The following ADGRE3 variants were observed in gnomAD, a reference collection of about 807,000 sequenced individuals.
The protein encoded by ADGRE3 is adhesion G protein-coupled receptor E3, also known as EGF-like module receptor 3.
ADGRE3 carries 88 observed loss-of-function variants against 80.1 expected under a neutral mutation model. That is an observed-to-expected ratio of 1.10 (90% CI 0.93 to 1.31). The LOEUF is 1.31. Ranked by LOEUF, ADGRE3 falls within the 40% of genes most tolerant of loss-of-function variation. The probability of loss-of-function intolerance (pLI) is 0.00; values close to 1 mark genes in which losing one functional copy is unlikely to be tolerated. For missense variants in ADGRE3, 715 were observed against 776.5 expected (o/e 0.92, Z 0.94); for synonymous variants, 281 against 294.8 (o/e 0.95, Z 0.48).
At chr19:14,653,790 A>T (rs1304167613) in intron 6 of ADGRE3, among the ~76,000 whole-genome samples, 2 of 152,038 alleles carry the variant, frequency 1.3e-5, no homozygotes, top group Non-Finnish European at 2.9e-5. Context: ...AGGTGAGGGC[A>T]CTGGTCTCAG....
intron 10 of ADGRE3, among the ~76,000 whole-genome samples, chr19:14,638,921 T>A (rs6511947): frequency 0.81 from 122,617 of 152,072 alleles, 49,444 homozygotes; most frequent in South Asian, 0.87. Context: ...TATTTCTTTG[T>A]GACAGGATCT....
At chr19:14,617,351 T>TC (rs2075084747), downstream of ADGRE3, among the ~76,000 whole-genome samples, 4 of 92,792 alleles carry the variant, frequency 4.3e-5, no homozygotes, top group African/African-American at 1.6e-4. Flanking sequence ...CCTTTCTTTC[T>TC]TTCTTTCTTT....
chr19:14,662,470 C>T (rs1282738142), intron 3 of ADGRE3, among the ~76,000 whole-genome samples: 3 of 152,182 alleles, frequency 2.0e-5, no homozygotes, highest in Non-Finnish European at 2.9e-5. Flanking sequence ...ACTGCAACTT[C>T]TGCCTCCTGA....
the ADGRE3 span, among the ~76,000 whole-genome samples, chr19:14,612,940 T>C: frequency 2.6e-5 from 4 of 151,982 alleles, no homozygotes; most frequent in African/African-American, 9.7e-5. Context: ...TTTTTTTTTT[T>C]TTTGTGACAG....
rs780742328 is a variant in ADGRE3 at position 14,655,090 on chromosome 19, TTTC to T, written c.466_468del (p.Glu156del). The T allele has an allele frequency of 6.2e-7, 1 of 1,614,148 alleles. No individual in the cohort carries two copies. Among genetic ancestry groups the T allele is most frequent in the African/African-American group, 1.3e-5 (1 of 75,052 alleles). On this transcript the variant is annotated inframe_deletion, in exon 6 of 16. Coordinates refer to ENST00000253673, the MANE Select transcript of ADGRE3 (RefSeq NM_032571.5). Reference sequence around the variant, plus strand: ...AGAATAGTGGTAGCTGTGGATGAGATTTCTTGTCTCCCTTCTGTTCTCCATAAA... The same window carrying T: ...AGAATAGTGGTAGCTGTGGATGAGATTTGTCTCCCTTCTGTTCTCCATAAA...
the ADGRE3 span, among the ~76,000 whole-genome samples, chr19:14,607,404 C>T: frequency 1.7e-3 from 261 of 151,690 alleles, no homozygotes; most frequent in Middle Eastern, 6.8e-3. Flanking sequence ...GGGGTTTCAC[C>T]GTGTTAGCCA....
chr19:14,662,691 A>G (rs544419573), intron 3 of ADGRE3, among the ~76,000 whole-genome samples: 4 of 152,128 alleles, frequency 2.6e-5, no homozygotes, highest in Admixed American at 2.0e-4. Context: ...TGGCTGAAAC[A>G]AGAAACTATC....
Position 14,634,166 on chromosome 19 carries a change from T to G in ADGRE3, c.1485-864A>C, listed in dbSNP as rs577159505. 1.1e-3 allele frequency among the ~76,000 whole-genome samples: 164 copies of G among 152,328 alleles called. 1 individual carries two copies. Among genetic ancestry groups the G allele is most frequent in the African/African-American group, 3.7e-3 (152 of 41,584 alleles). On this transcript the variant is annotated intron_variant, in intron 11 of 15. Coordinates refer to ENST00000253673, the MANE Select transcript of ADGRE3 (RefSeq NM_032571.5). ...TTCACTTTATATATTTCAATATATATATGAAATTTTATGAAAATTTTATGA... is the reference window on the plus strand; with the variant it reads ...TTCACTTTATATATTTCAATATATAGATGAAATTTTATGAAAATTTTATGA...
chr19:14,625,571 C>T lies in ADGRE3; in HGVS notation c.1841G>A (p.Arg614Lys). ...CTCAGATTTTGATTTTACGATCTCT[C>T]TAAACCACTTTTGATATTGTTTCTG... is the stretch of plus-strand genomic sequence containing the variant. Reference protein sequence around the residue: ...QVQKQYQKWFREIVKSKSESE... With the variant: ...QVQKQYQKWFKEIVKSKSESE... Residue 614 changes from arginine to lysine, a missense_variant, in exon 15 of 16, where the codon AGA (arginine) becomes AAA (lysine). Transcript: ENST00000253673. 2 of 1,613,584 alleles carry T rather than the reference C, an allele frequency of 1.2e-6. No homozygotes were observed. The highest frequency in any genetic ancestry group is 1.7e-6 in the Non-Finnish European group (2 of 1,179,600).
rs1333177312 is a variant in ADGRE3, at chr19:14,644,225, C to T, written c.933G>A (p.Gly311=). 1 of 1,603,036 alleles carries T rather than the reference C, an allele frequency of 6.2e-7. No homozygotes were observed. Among genetic ancestry groups the T allele is most frequent in the South Asian group, 1.1e-5 (1 of 89,456 alleles). ...KVFCVYWKST[G]QGSQWSRDGC... ...CATCCCTGGACCACTGGCTGCCCTG[C>T]CCTGTGCTCTTCCAGTAGACACAGA... is the stretch of plus-strand genomic sequence containing the variant. The change falls in exon 9 of 16, where the codon GGG becomes GGA. Residue 311 remains glycine (G), a synonymous_variant. Transcript: ENST00000253673.
intron 6 of ADGRE3, among the ~76,000 whole-genome samples, chr19:14,651,965 C>T (rs140980746): frequency 1.9e-4 from 29 of 150,888 alleles, no homozygotes; most frequent in Admixed American, 9.8e-4. Context: ...TAGTTTGAAC[C>T]GGGGAGGCAG....
At chr19:14,607,933 C>T in the ADGRE3 span, among the ~76,000 whole-genome samples, 1 of 152,052 alleles carries the variant, frequency 6.6e-6, no homozygotes, top group African/African-American at 2.4e-5. Context: ...TGCAGTGGTG[C>T]AATCTCGGCT....
At chr19:14,620,568 ATTT>A (rs1189295641) in intron 15 of ADGRE3, among the ~76,000 whole-genome samples, 196 of 10,982 alleles carry the variant, frequency 0.018, 19 homozygotes, top group South Asian at 0.026. Context: ...ATATATATAT[ATTT>A]TTTTTTTTTT....
At chr19:14,663,012 T>C (rs1971996008) in intron 3 of ADGRE3, among the ~76,000 whole-genome samples, 1 of 152,016 alleles carries the variant, frequency 6.6e-6, no homozygotes, top group South Asian at 2.1e-4. Flanking sequence ...TGAGTGTTTT[T>C]ATTTATTTTG....
intron 9 of ADGRE3, among the ~76,000 whole-genome samples, chr19:14,643,517 A>G (rs781648712): frequency 6.6e-6 from 1 of 152,078 alleles, no homozygotes; most frequent in South Asian, 2.1e-4. Context: ...TTGCATCCCT[A>G]TGTGAATGAT....
intron 10 of ADGRE3, among the ~76,000 whole-genome samples, chr19:14,638,891 G>C (rs975386406): frequency 2.2e-4 from 33 of 152,132 alleles, no homozygotes; most frequent in African/African-American, 7.7e-4. Flanking sequence ...GTTGCTAAAA[G>C]AGTGGATTTT....
In ADGRE3 at chr19:14,620,457, A is replaced by AAT. The variant is rs1417150662; in HGVS notation, c.1921-988_1921-987dup. 2.9e-3 allele frequency among the ~76,000 whole-genome samples: 388 copies of AAT among 135,998 alleles called. 4 individuals carry two copies. The highest frequency in any genetic ancestry group is 4.3e-3 in the East Asian group (21 of 4,912). The allele number at this position is 135,998 out of a possible 152,430, so 89.2% of individuals were successfully genotyped here. On this transcript the variant is annotated intron_variant, in intron 15 of 15. Coordinates refer to ENST00000253673, the MANE Select transcript of ADGRE3 (RefSeq NM_032571.5). ...ATATATGTATATTCATGTATATATG[A>AAT]ATATATGAATATATTATGAGTACAT...
chr19:14,651,007 C>T lies in ADGRE3; in HGVS notation c.697+78G>A. ...GTAAAAAGCCCATGAGGGGAGAGCC[C>T]AGTGGGCTTGTTTCCCCATGACTCA... is the stretch of plus-strand genomic sequence containing the variant. On this transcript the variant is annotated intron_variant, in intron 7 of 15. Coordinates refer to ENST00000253673, the MANE Select transcript of ADGRE3 (RefSeq NM_032571.5). The T allele has an allele frequency of 7.3e-6, 11 of 1,504,908 alleles. No individual in the cohort carries two copies. In the South Asian group the frequency reaches 1.1e-4, roughly 16 times the overall value. 93.2% of individuals were successfully genotyped at this position (1,504,908 alleles called of 1,614,324 possible).
intron 2 of ADGRE3, chr19:14,668,472 A>G: frequency 2.4e-6 from 1 of 419,792 alleles, no homozygotes; most frequent in South Asian, 7.3e-5. Context: ...TTATAATCAG[A>G]ATGATAATGA....
Sources: allele counts gnomAD v4.1 joint callset (sites outside exome capture counted in the v4.1 genomes callset), GRCh38; gene constraint gnomAD v4.1.1; transcripts MANE v1.5; gene names NCBI Gene and HGNC (gene_info 2026-07-23, HGNC 2026-07-21).